MALRD1: variants seen among roughly 807,000 people sequenced by gnomAD.
MALRD1 encodes MAM and LDL-receptor class A domain-containing protein 1.
MALRD1 carries 247 observed loss-of-function variants against 242.1 expected under a neutral mutation model. The ratio of observed to expected loss-of-function variants is 1.02; its 90% CI spans 0.92 to 1.13. The LOEUF (loss-of-function observed/expected upper bound fraction) is 1.13, where lower values mean the gene tolerates loss of function less well. MALRD1 is among the 50% of genes most tolerant of loss of function. MALRD1 has a pLI of 0.00. For synonymous variants in MALRD1, 995 were observed against 866.6 expected, an observed-to-expected ratio of 1.15 and a Z score of -2.60; for missense variants, 2,989 against 2,533.1, an observed-to-expected ratio of 1.18 and a Z score of -3.86.
intron 5 of MALRD1, among the ~76,000 whole-genome samples, chr10:19,122,529 C>G (rs770170896): frequency 1.3e-5 from 2 of 151,982 alleles, no homozygotes; most frequent in Non-Finnish European, 2.9e-5. Flanking sequence ...AGGGCATCCT[C>G]AGGGCTCACC....
chr10:19,665,466 C>A (rs1841636961), intron 36 of MALRD1, among the ~76,000 whole-genome samples: 1 of 152,064 alleles, frequency 6.6e-6, no homozygotes, highest in South Asian at 2.1e-4. Flanking sequence ...AATTTATGTT[C>A]TGTTTTCAGG....
chr10:19,442,477 T>C (rs886095364), intron 28 of MALRD1, among the ~76,000 whole-genome samples: 1 of 152,182 alleles, frequency 6.6e-6, no homozygotes, highest in Non-Finnish European at 1.5e-5. Context: ...GCTCTTATTA[T>C]TTTGAGATAC....
At chr10:19,408,669 G>T (rs1833140008) in intron 28 of MALRD1, among the ~76,000 whole-genome samples, 1 of 152,102 alleles carries the variant, frequency 6.6e-6, no homozygotes, top group Admixed American at 6.6e-5. Context: ...AACATGAAAA[G>T]GTTTTCAACA....
intron 1 of MALRD1, among the ~76,000 whole-genome samples, chr10:19,064,718 C>T (rs1450094824): frequency 7.3e-6 from 1 of 136,430 alleles, no homozygotes; most frequent in Non-Finnish European, 1.5e-5. Flanking sequence ...TGTGGCAAGC[C>T]AAGATTGCAC....
chr10:19,545,973 C>G (rs1375860552), intron 32 of MALRD1, among the ~76,000 whole-genome samples: 5 of 152,154 alleles, frequency 3.3e-5, no homozygotes, highest in Non-Finnish European at 7.3e-5. Context: ...TTCCCCCTTT[C>G]ATATTTGCCT....
chr10:19,277,806 A>G (rs1210611690), intron 19 of MALRD1, among the ~76,000 whole-genome samples: 3 of 152,226 alleles, frequency 2.0e-5, no homozygotes, highest in Non-Finnish European at 4.4e-5. Context: ...CAGATTCCCA[A>G]CAGCATGTAA....
chr10:19,256,433 C>G (rs1390375453), intron 18 of MALRD1, among the ~76,000 whole-genome samples: 1 of 151,938 alleles, frequency 6.6e-6, no homozygotes, highest in African/African-American at 2.4e-5. Flanking sequence ...TTTGTTTTCT[C>G]TGCCTATAAT....
At chr10:19,328,954 C>T (rs945382440) in intron 23 of MALRD1, among the ~76,000 whole-genome samples, 11 of 152,264 alleles carry the variant, frequency 7.2e-5, no homozygotes, top group African/African-American at 1.4e-4. Flanking sequence ...GCTTCCACCC[C>T]AGGAGATGAA....
chr10:19,441,981 C>T (rs1206697455), intron 28 of MALRD1, among the ~76,000 whole-genome samples: 1 of 152,140 alleles, frequency 6.6e-6, no homozygotes, highest in Non-Finnish European at 1.5e-5. Context: ...AATGTTCTTC[C>T]ATTTGTTTGT....
At position 19,607,806 on chromosome 10, in the gene MALRD1, G is replaced by T; in HGVS notation, c.5974G>T (p.Val1992Leu). The T allele has an allele frequency of 6.5e-7, 1 of 1,549,484 alleles. No homozygotes were observed. The highest frequency in any genetic ancestry group is 8.7e-7 in the Non-Finnish European group (1 of 1,146,446). The change falls in exon 35 of 40, where the codon GTG becomes TTG. Residue 1992 changes from valine (V) to leucine (L), a missense_variant. Val to Leu is a conservative substitution (Grantham distance 32). Coordinates refer to ENST00000454679, the MANE Select transcript of MALRD1 (RefSeq NM_001142308.3). ...CAAAAGCTGTTCTAATGGAGCTCTG[G>T]TGTGTGCCTCCTCCAACAGCTGTAT... ...SNKSCSNGAL[V>L]CASSNSCIPA... is the part of the protein sequence containing the mutation.
chr10:19,437,670 T>C (rs1834406550), intron 28 of MALRD1, among the ~76,000 whole-genome samples: 2 of 152,086 alleles, frequency 1.3e-5, no homozygotes, highest in Admixed American at 6.6e-5. Context: ...TATTTGAATA[T>C]AACATCAACA....
chr10:19,243,704 C>T (rs373344514), intron 18 of MALRD1, among the ~76,000 whole-genome samples: 1 of 152,060 alleles, frequency 6.6e-6, no homozygotes, highest in African/African-American at 2.4e-5. Context: ...TCAGCATACA[C>T]CTGATTATTA....
chr10:19,511,197 T>C (rs1346650299), intron 31 of MALRD1, among the ~76,000 whole-genome samples: 2 of 152,214 alleles, frequency 1.3e-5, no homozygotes, highest in African/African-American at 4.8e-5. Context: ...CATTGAAAAT[T>C]GAATTGTATA....
intron 18 of MALRD1, among the ~76,000 whole-genome samples, chr10:19,238,621 A>G (rs1243651495): frequency 9.9e-6 from 1 of 101,076 alleles, no homozygotes; most frequent in Non-Finnish European, 2.2e-5. Flanking sequence ...TTAGACACAC[A>G]GGTTGATTCC....
At chr10:19,355,998 A>G (rs1432067047) in intron 26 of MALRD1, among the ~76,000 whole-genome samples, 2 of 150,622 alleles carry the variant, frequency 1.3e-5, no homozygotes, top group East Asian at 1.9e-4. Context: ...TATTTTAAGC[A>G]GAGTGTAATT....
chr10:19,692,612 A>G (rs1032259436), intron 38 of MALRD1, 58 bp downstream of exon 38: 5 of 1,350,938 alleles, frequency 3.7e-6, no homozygotes, highest in Admixed American at 2.2e-5. Flanking sequence ...ATTTTCTTCA[A>G]CATTTCCTTT....
intron 21 of MALRD1, among the ~76,000 whole-genome samples, chr10:19,309,441 G>T (rs1842341370): frequency 6.6e-6 from 1 of 151,356 alleles, no homozygotes; most frequent in African/African-American, 2.4e-5. Context: ...ATTATATATA[G>T]GGTTCTCTAC....
Position 19,729,721 on chromosome 10 carries a change from C to CTTTTT in MALRD1, c.6315-956_6315-952dup, listed in dbSNP as rs35279728. On this transcript the variant is annotated intron_variant, in intron 38 of 39. Transcript: ENST00000454679. Reference sequence around the variant, plus strand: ...GTGTCTTCTAATAAGTCTATTAATTCTTTTTTTTTTTTTTTTTTTTTTTTT... The same window carrying CTTTTT: ...GTGTCTTCTAATAAGTCTATTAATTCTTTTTTTTTTTTTTTTTTTTTTTTTTTTTT... Among the ~76,000 whole-genome samples, 142 of 40,736 alleles carry CTTTTT rather than the reference C, an allele frequency of 3.5e-3. 16 individuals carry two copies. The highest frequency in any genetic ancestry group is 3.9e-3 in the Non-Finnish European group (93 of 24,108). The allele number at this position is 40,736 out of a possible 152,430, so 26.7% of individuals were successfully genotyped here.
chr10:19,078,778 C>T (rs1353791215), intron 2 of MALRD1, among the ~76,000 whole-genome samples: 1 of 151,718 alleles, frequency 6.6e-6, no homozygotes. Context: ...TCCATCTCTT[C>T]TAGGTTATCT....
Sources: gnomAD v4.1 joint callset for allele counts (sites outside exome capture counted in the v4.1 genomes callset) on GRCh38, gnomAD v4.1.1 for gene constraint, MANE v1.5 for transcripts, NCBI Gene and HGNC (gene_info 2026-07-23, HGNC 2026-07-21) for gene names.